Variants in AKR1C4 observed in about 807,000 individuals in gnomAD.
AKR1C4 encodes the protein 3-alpha-HSD1.
A neutral mutation model predicts 41.0 loss-of-function variants in AKR1C4; 44 were observed. The observed-to-expected ratio is 1.07, with a 90% CI of 0.84 to 1.38. AKR1C4 has a LOEUF of 1.38. Among genes scored for constraint, AKR1C4 ranks in the 40% most tolerant of loss-of-function variants. AKR1C4 has a pLI of 0.00. For synonymous variants in AKR1C4, 165 were observed against 137.7 expected (o/e 1.20, Z -1.39); for missense variants, 438 against 387.9 (o/e 1.13, Z -1.09).
At chr10:5,204,287 C>A in intron 2 of AKR1C4, 90 bp from the exon 3 acceptor site, 1 of 1,003,538 alleles carries the variant, frequency 1.0e-6, no homozygotes, top group Non-Finnish European at 1.5e-6. Context: ...CTGTTTGGAA[C>A]GGTGAAAAAT....
intron 2 of AKR1C4, among the ~76,000 whole-genome samples, chr10:5,201,690 C>T (rs1588336475): frequency 6.6e-6 from 1 of 152,184 alleles, no homozygotes; most frequent in East Asian, 1.9e-4. Context: ...AATGTACAGG[C>T]CAATGTTAAG....
intron 3 of AKR1C4, among the ~76,000 whole-genome samples, chr10:5,205,456 G>C (rs950181910): frequency 6.6e-6 from 1 of 152,148 alleles, no homozygotes; most frequent in Non-Finnish European, 1.5e-5. Context: ...TTGAGTCAAA[G>C]AGAGGCATTT....
At chr10:5,204,291 G>A (rs1389036867) in intron 2 of AKR1C4, 86 bp from the exon 3 acceptor site, 7 of 1,085,564 alleles carry the variant, frequency 6.4e-6, no homozygotes, top group African/African-American at 4.7e-5. Context: ...TTGGAACGGT[G>A]AAAAATGTCT....
chr10:5,200,074 C>A, intron 1 of AKR1C4, 107 bp from the exon 2 acceptor site: 1 of 1,431,630 alleles, frequency 7.0e-7, no homozygotes. Flanking sequence ...CCTGAAGAAG[C>A]GAGCCACACC....
intron 1 of AKR1C4, among the ~76,000 whole-genome samples, chr10:5,198,921 G>C (rs1554796608): frequency 6.6e-6 from 1 of 150,578 alleles, no homozygotes; most frequent in South Asian, 2.1e-4. Context: ...AGGATCACTT[G>C]AGCCCAAGGT....
chr10:5,206,170 T>C (rs1832481532), intron 4 of AKR1C4, 105 bp from the exon 5 acceptor site: 8 of 1,549,760 alleles, frequency 5.2e-6, no homozygotes, highest in African/African-American at 1.4e-5. Context: ...ACTGCTATTT[T>C]CATTGTCATA....
At chr10:5,204,746 GC>G in intron 3 of AKR1C4, 1 of 571,832 alleles carries the variant, frequency 1.7e-6, no homozygotes, top group Non-Finnish European at 3.3e-6. Context: ...CACCTTCAAG[GC>G]TCTGTCTTAA....
At chr10:5,214,682 CTTTT>C (rs112625012) in intron 7 of AKR1C4, among the ~76,000 whole-genome samples, 25 of 152,086 alleles carry the variant, frequency 1.6e-4, no homozygotes, top group East Asian at 1.3e-3. Context: ...CTTTGGATAA[CTTTT>C]TTTGAGAATT....
In AKR1C4 at chr10:5,200,365, G is replaced by A. The variant is rs891326615; in HGVS notation, c.252+17G>A. 5.0e-6 allele frequency: 8 copies of A among 1,607,362 alleles called. No homozygotes were observed. The highest frequency in any genetic ancestry group is 2.7e-5 in the African/African-American group (2 of 74,820). ...ACTTCAAAGGTACTGTGCCTATGAT[G>A]AGCATGTATGCACATGTGTTTAATG... On this transcript the variant is annotated intron_variant, in intron 2 of 8. Transcript: ENST00000263126.
At chr10:5,205,441 G>C (rs991841732) in intron 3 of AKR1C4, among the ~76,000 whole-genome samples, 4 of 152,140 alleles carry the variant, frequency 2.6e-5, no homozygotes, top group Admixed American at 2.6e-4. Flanking sequence ...GATATCAAGG[G>C]CTGTTTGAGT....
intron 8 of AKR1C4, among the ~76,000 whole-genome samples, 168 bp downstream of exon 8, chr10:5,216,961 C>G (rs1379319716): frequency 6.6e-6 from 1 of 152,196 alleles, no homozygotes; most frequent in Non-Finnish European, 1.5e-5. Context: ...GCTCTGTTCT[C>G]TGACAGGGTG....
Position 5,200,328 on chromosome 10 carries a change from G to C in AKR1C4, c.232G>C (p.Asp78His). 1 of 1,613,904 alleles carries C rather than the reference G, an allele frequency of 6.2e-7. No individual in the cohort carries two copies. The highest frequency in any genetic ancestry group is 8.5e-7 in the Non-Finnish European group (1 of 1,179,860). The change falls in exon 2 of 9, where the codon GAC (aspartate) becomes CAC (histidine). Residue 78 changes from aspartate to histidine, a missense_variant. Physicochemically the swap from Asp to His is moderately conservative, Grantham distance 81. Coordinates refer to ENST00000263126, the MANE Select transcript of AKR1C4 (RefSeq NM_001818.5). ...TGCAGATGGCAGTGTGAAGAGAGAA[G>C]ACATATTCTACACTTCAAAGGTACT... is the stretch of plus-strand genomic sequence containing the variant. ...KIADGSVKREDIFYTSKLWCT... is the reference protein window; with the variant it reads ...KIADGSVKREHIFYTSKLWCT...
At chr10:5,207,710 T>A in intron 5 of AKR1C4, 2 of 594,632 alleles carry the variant, frequency 3.4e-6, no homozygotes, top group East Asian at 1.1e-4. Context: ...CATGATGTGA[T>A]AATGAAGAGA....
At chr10:5,210,987 C>T (rs1832566933) in intron 5 of AKR1C4, among the ~76,000 whole-genome samples, 1 of 152,220 alleles carries the variant, frequency 6.6e-6, no homozygotes, top group Non-Finnish European at 1.5e-5. Flanking sequence ...GGACTTGCAC[C>T]CTGTGCAGCC....
intron 3 of AKR1C4, 84 bp downstream of exon 3, chr10:5,204,577 G>T: frequency 9.3e-7 from 1 of 1,070,864 alleles, no homozygotes; most frequent in Non-Finnish European, 1.5e-6. Flanking sequence ...CTTCTAAGGA[G>T]GGTGTAGGTG....
At chr10:5,218,236 A>G (rs2132144135) in intron 8 of AKR1C4, among the ~76,000 whole-genome samples, 1 of 152,344 alleles carries the variant, frequency 6.6e-6, no homozygotes, top group East Asian at 1.9e-4. Context: ...AATCAAAGAA[A>G]ATATTTTCCA....
intron 2 of AKR1C4, 152 bp downstream of exon 2, chr10:5,200,500 G>A: frequency 7.5e-7 from 1 of 1,332,786 alleles, no homozygotes; most frequent in Non-Finnish European, 9.9e-7. Flanking sequence ...TAAAATAAAA[G>A]GCAGAGAATG....
At chr10:5,210,372 G>A (rs1554797809) in intron 5 of AKR1C4, among the ~76,000 whole-genome samples, 1 of 152,170 alleles carries the variant, frequency 6.6e-6, no homozygotes. Context: ...GGTGCACAGT[G>A]CAAGCTGTCA....
At chr10:5,217,336 A>G (rs1163166367) in intron 8 of AKR1C4, among the ~76,000 whole-genome samples, 1 of 152,212 alleles carries the variant, frequency 6.6e-6, no homozygotes, top group African/African-American at 2.4e-5. Flanking sequence ...ACATTTGCTC[A>G]TGACCCAAAC....
Sources: gnomAD v4.1 joint callset for allele counts (sites outside exome capture counted in the v4.1 genomes callset) on GRCh38, gnomAD v4.1.1 for gene constraint, MANE v1.5 for transcripts, NCBI Gene and HGNC (gene_info 2026-07-23, HGNC 2026-07-21) for gene names.